The following CNTLN variants were observed in gnomAD, a reference collection of about 807,000 sequenced individuals.
CNTLN encodes centlein.
In CNTLN, 212 loss-of-function variants were observed where a neutral mutation model predicts 180.0. That is an observed-to-expected ratio of 1.18 (90% confidence interval 1.05 to 1.32). The LOEUF (loss-of-function observed/expected upper bound fraction) is 1.32. Among genes scored for constraint, CNTLN ranks in the 40% most tolerant of loss-of-function variants. The pLI, the probability that CNTLN is intolerant of heterozygous loss-of-function variation, is 0.00. For synonymous variants in CNTLN, 722 were observed against 563.1 expected (o/e 1.28, Z -3.99); for missense variants, 2,095 against 1,610.9 (o/e 1.30, Z -5.14).
intron 18 of CNTLN, among the ~76,000 whole-genome samples, chr9:17,436,051 T>G (rs947000470): frequency 2.0e-5 from 3 of 152,178 alleles, no homozygotes; most frequent in Admixed American, 2.0e-4. Flanking sequence ...TGGTCTAGCC[T>G]CCTTTTGTGA....
At chr9:17,262,217 G>A (rs2891110) in intron 5 of CNTLN, among the ~76,000 whole-genome samples, 35,593 of 150,942 alleles carry the variant, frequency 0.24, 5,457 homozygotes, top group African/African-American at 0.37. Flanking sequence ...CAGCAATACC[G>A]TTACTGGGTA....
intron 12 of CNTLN, among the ~76,000 whole-genome samples, chr9:17,344,412 A>C (rs1163039721): frequency 6.6e-6 from 1 of 152,184 alleles, no homozygotes; most frequent in Non-Finnish European, 1.5e-5. Flanking sequence ...AAATTTTTAA[A>C]AGAATGCTAA....
chr9:17,379,401 C>T (rs1279723099), intron 13 of CNTLN, among the ~76,000 whole-genome samples: 3 of 150,876 alleles, frequency 2.0e-5, no homozygotes, highest in East Asian at 2.0e-4. Context: ...TGACACTTTG[C>T]CCTGCAAACT....
chr9:17,402,379 G>A (rs1016869769), intron 15 of CNTLN, among the ~76,000 whole-genome samples: 4 of 151,664 alleles, frequency 2.6e-5, no homozygotes, highest in Non-Finnish European at 5.9e-5. Context: ...ATTGGTGTCC[G>A]GAGAAAAGAA....
intron 2 of CNTLN, among the ~76,000 whole-genome samples, chr9:17,166,410 A>G (rs1340160017): frequency 1.3e-5 from 2 of 152,216 alleles, no homozygotes; most frequent in African/African-American, 4.8e-5. Context: ...TAGGAATTTC[A>G]GTAGCAGAGA....
At chr9:17,481,427 A>G (rs1019707923) in intron 23 of CNTLN, among the ~76,000 whole-genome samples, 1 of 152,164 alleles carries the variant, frequency 6.6e-6, no homozygotes, top group Non-Finnish European at 1.5e-5. Context: ...CCACTTAATC[A>G]TGGAACCCAG....
chr9:17,478,189 CTT>C (rs751166391), intron 23 of CNTLN, among the ~76,000 whole-genome samples: 1 of 152,172 alleles, frequency 6.6e-6, no homozygotes, highest in African/African-American at 2.4e-5. Flanking sequence ...ATAAACATAA[CTT>C]TTACATTCAC....
In CNTLN at chr9:17,431,526, A is replaced by G. The variant is rs75286351; in HGVS notation, c.3114+15337A>G. 9.4e-4 allele frequency among the ~76,000 whole-genome samples: 143 copies of G among 152,222 alleles called. 3 individuals carry two copies. In the East Asian group the frequency reaches 0.02, roughly 22 times the overall value. On this transcript the variant is annotated intron_variant, in intron 18 of 25. Coordinates refer to ENST00000380647, the MANE Select transcript of CNTLN (RefSeq NM_017738.4). Reference sequence around the variant, plus strand: ...TTGTTGATTGTTTCCATTGCTGTGCAGAAGCATTTTAGCTTGACATAATCC... The same window carrying G: ...TTGTTGATTGTTTCCATTGCTGTGCGGAAGCATTTTAGCTTGACATAATCC...
chr9:17,199,186 C>T (rs2131863120), intron 2 of CNTLN, among the ~76,000 whole-genome samples: 1 of 147,884 alleles, frequency 6.8e-6, no homozygotes, highest in South Asian at 2.2e-4. Flanking sequence ...GCCTCGCCAG[C>T]ATCTGTTGTT....
At chr9:17,302,716 T>C (rs1274136032) in intron 7 of CNTLN, among the ~76,000 whole-genome samples, 1 of 152,222 alleles carries the variant, frequency 6.6e-6, no homozygotes, top group Admixed American at 6.5e-5. Context: ...GCGATGTTTC[T>C]ATTTTAATTT....
chr9:17,295,460 A>C (rs951727512), intron 6 of CNTLN, among the ~76,000 whole-genome samples: 16 of 151,866 alleles, frequency 1.1e-4, no homozygotes, highest in Non-Finnish European at 1.8e-4. Flanking sequence ...TGTGGCTCCC[A>C]GGTGGGCCGT....
chr9:17,236,219 A>C (rs1825131391), intron 4 of CNTLN, among the ~76,000 whole-genome samples, 190 bp from the exon 5 acceptor site: 1 of 152,158 alleles, frequency 6.6e-6, no homozygotes, highest in African/African-American at 2.4e-5. Flanking sequence ...CCAGTGAAAA[A>C]ATATGACCCA....
intron 2 of CNTLN, among the ~76,000 whole-genome samples, chr9:17,219,453 C>T (rs560466802): frequency 6.6e-6 from 1 of 152,008 alleles, no homozygotes; most frequent in South Asian, 2.1e-4. Flanking sequence ...CATCTCATAC[C>T]ACCAGGAGGA....
intron 18 of CNTLN, among the ~76,000 whole-genome samples, chr9:17,450,642 AC>A (rs1288611042): frequency 1.3e-5 from 2 of 152,304 alleles, no homozygotes; most frequent in East Asian, 3.9e-4. Context: ...AAGTCTAACT[AC>A]TAGCAAAAGC....
intron 25 of CNTLN, among the ~76,000 whole-genome samples, chr9:17,489,406 T>C (rs1053784647): frequency 1.3e-5 from 2 of 152,118 alleles, no homozygotes; most frequent in African/African-American, 4.8e-5. Flanking sequence ...TGTTGATTTT[T>C]TTATTCAAAT....
At chr9:17,401,526 C>T (rs557470602) in intron 15 of CNTLN, among the ~76,000 whole-genome samples, 4 of 148,542 alleles carry the variant, frequency 2.7e-5, no homozygotes, top group South Asian at 4.2e-4. Flanking sequence ...CACGTGCTAC[C>T]GTGCCTGGCT....
chr9:17,454,082 C>A (rs1409610559), intron 18 of CNTLN, among the ~76,000 whole-genome samples: 1 of 152,192 alleles, frequency 6.6e-6, no homozygotes, highest in Non-Finnish European at 1.5e-5. Context: ...TGTACCAGAG[C>A]ATGAGTCATC....
intron 2 of CNTLN, among the ~76,000 whole-genome samples, chr9:17,222,044 A>G (rs1824171841): frequency 6.6e-6 from 1 of 152,050 alleles, no homozygotes; most frequent in South Asian, 2.1e-4. Flanking sequence ...TCTGTCCTGC[A>G]TTATCAGTGT....
At chr9:17,454,998 T>C (rs1323514783) in intron 18 of CNTLN, among the ~76,000 whole-genome samples, 2 of 152,258 alleles carry the variant, frequency 1.3e-5, no homozygotes, top group African/African-American at 4.8e-5. Flanking sequence ...GTAGATTTTA[T>C]AGCACAGTCT....
Sources: allele counts gnomAD v4.1 joint callset (sites outside exome capture counted in the v4.1 genomes callset), GRCh38; gene constraint gnomAD v4.1.1; transcripts MANE v1.5; gene names NCBI Gene and HGNC (gene_info 2026-07-23, HGNC 2026-07-21).